Variants in ZFYVE28 observed in about 807,000 individuals in gnomAD.
ZFYVE28 encodes zinc finger FYVE-type containing 28, also known as lateral signaling target protein 2 homolog.
ZFYVE28 carries 40 observed loss-of-function variants against 82.1 expected under a neutral mutation model. The observed-to-expected ratio is 0.49, with a 90% CI of 0.38 to 0.63. ZFYVE28 has a LOEUF of 0.63. Among genes scored for constraint, ZFYVE28 ranks in the 30% least tolerant of loss-of-function variants. ZFYVE28 has a pLI of 0.00. For missense variants in ZFYVE28, 1,321 were observed against 1,242.1 expected (o/e 1.06, Z -0.96); for synonymous variants, 612 against 546.1 (o/e 1.12, Z -1.68).
At chr4:2,348,775 A>G (rs1723941800) in intron 2 of ZFYVE28, among the ~76,000 whole-genome samples, 1 of 152,212 alleles carries the variant, frequency 6.6e-6, no homozygotes, top group South Asian at 2.1e-4. Context: ...TTAGCAACAT[A>G]TCTGATCTCT....
intron 8 of ZFYVE28, among the ~76,000 whole-genome samples, chr4:2,303,888 T>C (rs1295226351): frequency 3.9e-5 from 6 of 152,210 alleles, no homozygotes; most frequent in Admixed American, 3.9e-4. Context: ...CGGATGCGGC[T>C]CAGGGCAAGG....
intron 2 of ZFYVE28, among the ~76,000 whole-genome samples, chr4:2,353,633 C>A (rs1490509449): frequency 6.6e-6 from 1 of 152,262 alleles, no homozygotes; most frequent in African/African-American, 2.4e-5. Flanking sequence ...GGCAGGCCCA[C>A]CCCTCCCACA....
At chr4:2,273,063 G>T in intron 10 of ZFYVE28, 110 bp downstream of exon 10, 1 of 880,900 alleles carries the variant, frequency 1.1e-6, no homozygotes, top group Non-Finnish European at 1.8e-6. Context: ...GCTTGGTCGG[G>T]ACCCTATCTC....
chr4:2,342,815 C>A (rs548897094), intron 2 of ZFYVE28: 1 of 152,250 alleles, frequency 6.6e-6, no homozygotes, highest in South Asian at 2.1e-4. Context: ...AATCAATACA[C>A]GTTCATCCTA....
At chr4:2,292,839 T>C (rs559733262) in intron 8 of ZFYVE28, among the ~76,000 whole-genome samples, 20 of 152,238 alleles carry the variant, frequency 1.3e-4, no homozygotes, top group Non-Finnish European at 2.8e-4. Context: ...GAAAAAGGCA[T>C]GACAAGAAGA....
intron 1 of ZFYVE28, among the ~76,000 whole-genome samples, chr4:2,373,873 G>A (rs752859317): frequency 1.3e-5 from 2 of 152,136 alleles, no homozygotes; most frequent in Non-Finnish European, 1.5e-5. Flanking sequence ...GTAGGGGAAC[G>A]CACAGGGATT....
intron 1 of ZFYVE28, among the ~76,000 whole-genome samples, chr4:2,368,202 A>ACCC (rs56157219): frequency 0.67 from 84,003 of 125,932 alleles, 28,265 homozygotes; most frequent in East Asian, 0.79. Flanking sequence ...ACAAAGCAAC[A>ACCC]CATCTCTACA....
chr4:2,335,329 G>C lies in ZFYVE28; in HGVS notation c.701+376C>G, dbSNP rs1037203362. Among the ~76,000 whole-genome samples the C allele has an allele frequency of 6.6e-6, 1 of 152,124 alleles. No individual in the cohort carries two copies. Among genetic ancestry groups the C allele is most frequent in the Non-Finnish European group, 1.5e-5 (1 of 68,020 alleles). ...CAGCTCGTCCTCTTGTTACCACCAA[G>C]TCTGCCTCCCACAGCCCCTGCGTGG... On this transcript the variant is annotated intron_variant, in intron 6 of 12. Coordinates refer to ENST00000290974, the MANE Select transcript of ZFYVE28 (RefSeq NM_020972.3). The surrounding 1 kb of genome is among the most constrained non-coding windows in gnomAD (Gnocchi z 5.8).
At chr4:2,330,710 G>T in intron 6 of ZFYVE28, 1 of 1,464,980 alleles carries the variant, frequency 6.8e-7, no homozygotes, top group South Asian at 1.4e-5. Flanking sequence ...AGAGGGGACA[G>T]CGTGGAGGAG....
chr4:2,284,524 T>C (rs943228449), intron 8 of ZFYVE28, among the ~76,000 whole-genome samples: 2 of 152,156 alleles, frequency 1.3e-5, no homozygotes, highest in African/African-American at 2.4e-5. Flanking sequence ...GAGCCCAAGA[T>C]GGGCTGAGCA....
intron 2 of ZFYVE28, chr4:2,343,032 G>A (rs1238700409): frequency 6.6e-6 from 1 of 152,168 alleles, no homozygotes; most frequent in African/African-American, 2.4e-5. Context: ...TACAATTTTT[G>A]ATGGATAGTG....
At chr4:2,402,535 G>C (rs1008209) in intron 1 of ZFYVE28, among the ~76,000 whole-genome samples, 1 of 152,004 alleles carries the variant, frequency 6.6e-6, no homozygotes, top group Non-Finnish European at 1.5e-5. Flanking sequence ...GGAAGACAGC[G>C]CCAGCATCAC....
intron 1 of ZFYVE28, among the ~76,000 whole-genome samples, chr4:2,371,126 A>T (rs1223561139): frequency 1.3e-5 from 2 of 152,102 alleles, no homozygotes; most frequent in Non-Finnish European, 2.9e-5. Context: ...TGGAGAGAAG[A>T]TGGGGAGCTC....
intron 6 of ZFYVE28, among the ~76,000 whole-genome samples, chr4:2,331,526 AG>A (rs1720711312): frequency 6.6e-6 from 1 of 152,196 alleles, no homozygotes; most frequent in South Asian, 2.1e-4. Flanking sequence ...AACAAAAAAA[AG>A]AAACTGTTTT....
intron 8 of ZFYVE28, among the ~76,000 whole-genome samples, chr4:2,277,278 G>A (rs1736553631): frequency 6.6e-6 from 1 of 152,190 alleles, no homozygotes; most frequent in Non-Finnish European, 1.5e-5. Context: ...TCAGGAGTTC[G>A]AGACCAGCCT....
In ZFYVE28 at chr4:2,362,572, C is replaced by T. The variant is rs1434237603; in HGVS notation, c.40-8499G>A. On this transcript the variant is annotated intron_variant, in intron 1 of 12. Coordinates refer to ENST00000290974, the MANE Select transcript of ZFYVE28 (RefSeq NM_020972.3). This position sits in a 1 kb window ranked among gnomAD's most constrained non-coding sequence, Gnocchi z 5.1. Reference sequence around the variant, plus strand: ...CAGACGTCCATGGGCAGCCATGACCCATGTCCCCAAGGCAGGCCTCATCCA... The same window carrying T: ...CAGACGTCCATGGGCAGCCATGACCTATGTCCCCAAGGCAGGCCTCATCCA... Among the ~76,000 whole-genome samples, 1 of 152,132 alleles carries T rather than the reference C, an allele frequency of 6.6e-6. No individual in the cohort carries two copies. Among genetic ancestry groups the T allele is most frequent in the Admixed American group, 6.5e-5 (1 of 15,290 alleles).
chr4:2,361,258 G>A (rs1051949145), intron 1 of ZFYVE28, among the ~76,000 whole-genome samples: 4 of 114,074 alleles, frequency 3.5e-5, no homozygotes, highest in South Asian at 3.0e-4. Context: ...AAATATGCAC[G>A]AACAAAGCAG....
chr4:2,273,137 C>A, intron 10 of ZFYVE28, 36 bp downstream of exon 10: 1 of 1,536,980 alleles, frequency 6.5e-7, no homozygotes, highest in Non-Finnish European at 8.9e-7. Flanking sequence ...CGGCCACCAG[C>A]GCAGGCCTCA....
intron 1 of ZFYVE28, among the ~76,000 whole-genome samples, chr4:2,358,080 T>G (rs10000777): frequency 0.16 from 24,551 of 152,140 alleles, 2,184 homozygotes; most frequent in African/African-American, 0.24. Flanking sequence ...AATGGGGTAC[T>G]TGCATGTCCC....
Sources: gnomAD v4.1 joint callset for allele counts (sites outside exome capture counted in the v4.1 genomes callset) on GRCh38, gnomAD v4.1.1 for gene constraint, Gnocchi (gnomAD v3.1) non-coding constraint, MANE v1.5 for transcripts, NCBI Gene and HGNC (gene_info 2026-07-23, HGNC 2026-07-21) for gene names.